The following NEGR1 variants were observed in gnomAD, a reference collection of about 807,000 sequenced individuals.
The protein encoded by NEGR1 is IgLON family member 4.
A neutral mutation model predicts 40.9 loss-of-function variants in NEGR1; 10 were observed. The ratio of observed to expected loss-of-function variants is 0.24; its 90% confidence interval spans 0.15 to 0.42. The LOEUF is 0.42. NEGR1 is among the 10% of genes least tolerant of loss of function. NEGR1 has a pLI of 1.00. For synonymous variants in NEGR1, 185 were observed against 166.8 expected, an observed-to-expected ratio of 1.11 and a Z score of -0.84; for missense variants, 352 against 438.9, an observed-to-expected ratio of 0.80 and a Z score of 1.77.
intron 2 of NEGR1, among the ~76,000 whole-genome samples, chr1:71,830,678 G>A (rs566214997): frequency 2.6e-5 from 4 of 151,876 alleles, no homozygotes; most frequent in African/African-American, 4.8e-5. Context: ...TAAACAGGTA[G>A]GTCTGAAAAT....
intron 6 of NEGR1, among the ~76,000 whole-genome samples, chr1:71,442,285 T>C (rs1455559289): frequency 7.3e-6 from 1 of 137,904 alleles, no homozygotes; most frequent in Non-Finnish European, 1.5e-5. Flanking sequence ...TTATCATCAA[T>C]GAACAACATA....
intron 2 of NEGR1, among the ~76,000 whole-genome samples, chr1:71,817,680 A>G (rs945784185): frequency 1.3e-5 from 2 of 152,140 alleles, no homozygotes; most frequent in Non-Finnish European, 1.5e-5. Context: ...GTGGCATCCA[A>G]AGGAAATTTT....
chr1:71,433,039 A>G (rs1159640051), intron 6 of NEGR1, among the ~76,000 whole-genome samples: 2 of 152,236 alleles, frequency 1.3e-5, no homozygotes, highest in Admixed American at 6.5e-5. Flanking sequence ...AGAATCTGCA[A>G]TTATGAGGAA....
At chr1:71,614,038 G>A (rs1437887982) in intron 4 of NEGR1, among the ~76,000 whole-genome samples, 1 of 151,774 alleles carries the variant, frequency 6.6e-6, no homozygotes, top group Admixed American at 6.6e-5. Context: ...TCTGTTAAGG[G>A]AAATACTTCT....
chr1:71,729,763 T>C (rs72944129), intron 3 of NEGR1, among the ~76,000 whole-genome samples: 13,392 of 152,028 alleles, frequency 0.088, 810 homozygotes, highest in East Asian at 0.17. Flanking sequence ...GCCTCCCTAG[T>C]AGCTGGGACC....
intron 1 of NEGR1, among the ~76,000 whole-genome samples, chr1:72,048,755 G>T (rs150465012): frequency 6.6e-6 from 1 of 151,640 alleles, no homozygotes; most frequent in Admixed American, 6.6e-5. Flanking sequence ...CACACATTAA[G>T]GATCTTAGTT....
intron 5 of NEGR1, among the ~76,000 whole-genome samples, chr1:71,597,428 A>G (rs868363345): frequency 3.5e-3 from 381 of 108,294 alleles, no homozygotes; most frequent in African/African-American, 0.015. Context: ...ATATATATAT[A>G]TATGTCTCTC....
chr1:71,593,054 C>G, intron 5 of NEGR1, 86 bp from the exon 6 acceptor site: 1 of 865,472 alleles, frequency 1.2e-6, no homozygotes, highest in South Asian at 1.6e-5. Context: ...TCATGGCAAC[C>G]CATAGACAAT....
At chr1:71,755,834 A>G (rs529924323) in intron 3 of NEGR1, among the ~76,000 whole-genome samples, 2 of 152,288 alleles carry the variant, frequency 1.3e-5, no homozygotes, top group South Asian at 2.1e-4. Flanking sequence ...TTATTGCTAT[A>G]TACTTAAATT....
At chr1:71,944,990 T>C (rs1455247039) in intron 1 of NEGR1, among the ~76,000 whole-genome samples, 1 of 152,206 alleles carries the variant, frequency 6.6e-6, no homozygotes, top group African/African-American at 2.4e-5. Flanking sequence ...AATTAATGTT[T>C]TTTTAAACAG....
At chr1:72,196,534 C>T (rs945322137) in intron 1 of NEGR1, among the ~76,000 whole-genome samples, 6 of 152,058 alleles carry the variant, frequency 3.9e-5, no homozygotes, top group Non-Finnish European at 8.8e-5. Context: ...CTTTGGGAGT[C>T]CGAGGCAGGC....
At chr1:72,252,665 T>TGAGGGAGAGAGAGACGGAGA (rs1217672846) in intron 1 of NEGR1, among the ~76,000 whole-genome samples, 1 of 152,092 alleles carries the variant, frequency 6.6e-6, no homozygotes, top group Non-Finnish European at 1.5e-5. Flanking sequence ...CACGTTTACA[T>TGAGGGAGAGAGAGACGGAGA]GAGGGAGAGA....
At chr1:71,657,051 G>C (rs923992034) in intron 4 of NEGR1, among the ~76,000 whole-genome samples, 1 of 152,184 alleles carries the variant, frequency 6.6e-6, no homozygotes, top group African/African-American at 2.4e-5. Flanking sequence ...CAAGAGTATT[G>C]AGCAAGGAAC....
At chr1:71,923,017 A>G (rs1645735066) in intron 2 of NEGR1, among the ~76,000 whole-genome samples, 1 of 152,138 alleles carries the variant, frequency 6.6e-6, no homozygotes, top group South Asian at 2.1e-4. Context: ...AGAGAGAAAA[A>G]ATACAGAAGA....
intron 4 of NEGR1, among the ~76,000 whole-genome samples, chr1:71,668,309 C>T (rs2101596943): frequency 6.6e-6 from 1 of 152,184 alleles, no homozygotes; most frequent in East Asian, 1.9e-4. Flanking sequence ...AGAGGAAGAG[C>T]CAGGTAATTA....
At position 72,090,486 on chromosome 1, in the gene NEGR1, T is replaced by C. The variant is rs60649319; in HGVS notation, c.177-155175A>G. 4.2e-3 allele frequency among the ~76,000 whole-genome samples: 642 copies of C among 152,186 alleles called. 2 individuals carry two copies. Among genetic ancestry groups the C allele is most frequent in the African/African-American group, 0.015 (614 of 41,552 alleles). ...AATTTACATTCACATTTACAGGAAT[T>C]ACCTCTAACCCACATATTGACAGAA... On this transcript the variant is annotated intron_variant, in intron 1 of 6. Coordinates refer to ENST00000357731, the MANE Select transcript of NEGR1 (RefSeq NM_173808.3).
chr1:72,024,243 AATTT>A (rs1304757566), intron 1 of NEGR1, among the ~76,000 whole-genome samples: 17 of 152,042 alleles, frequency 1.1e-4, no homozygotes, highest in African/African-American at 4.1e-4. Context: ...TCCACCAAAT[AATTT>A]ATTTATTTCT....
At chr1:72,204,498 T>A (rs1341110442) in intron 1 of NEGR1, among the ~76,000 whole-genome samples, 4 of 152,154 alleles carry the variant, frequency 2.6e-5, no homozygotes, top group Non-Finnish European at 4.4e-5. Flanking sequence ...CCCCAAGCAG[T>A]GATGTTTGAA....
intron 1 of NEGR1, among the ~76,000 whole-genome samples, chr1:72,233,794 C>T (rs1453900239): frequency 6.6e-6 from 1 of 151,938 alleles, no homozygotes; most frequent in African/African-American, 2.4e-5. Context: ...ATTTAGTTCC[C>T]TTTGGGTATA....
Sources: allele counts gnomAD v4.1 joint callset (sites outside exome capture counted in the v4.1 genomes callset), GRCh38; gene constraint gnomAD v4.1.1; transcripts MANE v1.5; gene names NCBI Gene and HGNC (gene_info 2026-07-23, HGNC 2026-07-21).